The following KLF8 variants were observed in gnomAD, a reference collection of about 807,000 sequenced individuals.
KLF8 encodes Krueppel-like factor 8.
Under a neutral mutation model 18.2 loss-of-function variants are expected in KLF8, and 10 were observed. The observed-to-expected ratio is 0.55, with a 90% CI of 0.34 to 0.93. KLF8 has a LOEUF of 0.93. Ranked by LOEUF, KLF8 falls within the 40% of genes least tolerant of loss-of-function variation. The pLI, the probability that KLF8 is intolerant of heterozygous loss-of-function variation, is 0.02. For synonymous variants in KLF8, 109 were observed against 97.3 expected, an observed-to-expected ratio of 1.12 and a Z score of -0.71; for missense variants, 264 against 277.9, an observed-to-expected ratio of 0.95 and a Z score of 0.36.
chrX:56,038,889 C>CT, the KLF8 span, among the ~76,000 whole-genome samples: 1 of 111,722 alleles, frequency 9.0e-6, no homozygotes, highest in African/African-American at 3.3e-5. Context: ...TGTTCTTGGA[C>CT]TTTTTTAGCC....
chrX:56,174,119 C>A, the KLF8 span, among the ~76,000 whole-genome samples: 2 of 111,748 alleles, frequency 1.8e-5, no homozygotes, highest in Non-Finnish European at 3.8e-5. Context: ...CTGGCCAGAA[C>A]TTCCAACTCT....
At chrX:56,190,015 TATA>T in the KLF8 span, among the ~76,000 whole-genome samples, 1 of 109,168 alleles carries the variant, frequency 9.2e-6, no homozygotes. Flanking sequence ...AAACTTAAAG[TATA>T]ATAATAATAA....
the KLF8 span, among the ~76,000 whole-genome samples, chrX:56,194,539 A>G: frequency 8.9e-6 from 1 of 112,345 alleles, no homozygotes; most frequent in South Asian, 3.7e-4. Context: ...GCTTGAGTAC[A>G]TAAATAAAGC....
chrX:56,030,320 G>A, the KLF8 span, among the ~76,000 whole-genome samples: 39 of 111,088 alleles, frequency 3.5e-4, no homozygotes, highest in Admixed American at 1.3e-3. Flanking sequence ...TTTGGTAATC[G>A]GCTGGGACAT....
intron 1 of KLF8, among the ~76,000 whole-genome samples, chrX:56,239,328 T>A (rs1353531999): frequency 8.9e-6 from 1 of 112,267 alleles, no homozygotes. Context: ...CAATGTACAC[T>A]CTGTATTATA....
the KLF8 span, among the ~76,000 whole-genome samples, chrX:56,159,559 T>A: frequency 1.8e-5 from 2 of 112,295 alleles, no homozygotes; most frequent in African/African-American, 3.2e-5. Flanking sequence ...TTGCTTCAAT[T>A]TCAGAGCCTG....
chrX:55,944,109 T>C, the KLF8 span, among the ~76,000 whole-genome samples: 220 of 111,794 alleles, frequency 2.0e-3, no homozygotes, highest in Non-Finnish European at 3.6e-3. Context: ...TTGTCTTTGA[T>C]TCTGTTTATA....
chrX:56,053,375 G>A, the KLF8 span, among the ~76,000 whole-genome samples: 8 of 111,298 alleles, frequency 7.2e-5, no homozygotes, highest in African/African-American at 2.0e-4. Flanking sequence ...CTTGATCTTG[G>A]TGGATAAGTT....
the KLF8 span, among the ~76,000 whole-genome samples, chrX:56,012,147 C>T: frequency 9.0e-6 from 1 of 111,599 alleles, no homozygotes; most frequent in Admixed American, 9.5e-5. Flanking sequence ...AGATATACAA[C>T]AAAAAACAAA....
At chrX:56,174,624 G>A in the KLF8 span, among the ~76,000 whole-genome samples, 9 of 111,992 alleles carry the variant, frequency 8.0e-5, no homozygotes, top group Admixed American at 8.6e-4. Context: ...ATGAGTTAAG[G>A]AGGATTCCCT....
At chrX:56,143,090 T>A in the KLF8 span, among the ~76,000 whole-genome samples, 4 of 111,740 alleles carry the variant, frequency 3.6e-5, no homozygotes, top group Admixed American at 1.9e-4. Flanking sequence ...TTATGCACTC[T>A]GGGCTTCTGC....
At chrX:56,038,876 T>G in the KLF8 span, among the ~76,000 whole-genome samples, 1 of 112,077 alleles carries the variant, frequency 8.9e-6, no homozygotes, top group East Asian at 2.8e-4. Context: ...CACCAGAATC[T>G]GTTGTTCTTG....
At chrX:56,167,345 G>T in the KLF8 span, among the ~76,000 whole-genome samples, 2 of 111,423 alleles carry the variant, frequency 1.8e-5, no homozygotes, top group East Asian at 2.8e-4. Flanking sequence ...TGGCCAGACG[G>T]TCTCAAACTC....
the KLF8 span, among the ~76,000 whole-genome samples, chrX:55,917,100 C>T: frequency 8.9e-6 from 1 of 112,134 alleles, no homozygotes; most frequent in African/African-American, 3.2e-5. Context: ...CTTGCTGCCT[C>T]CTCTGGAATC....
the KLF8 span, among the ~76,000 whole-genome samples, chrX:55,964,764 C>G: frequency 8.9e-6 from 1 of 111,736 alleles, no homozygotes; most frequent in Non-Finnish European, 1.9e-5. Flanking sequence ...CTACCAGAGA[C>G]TATTACAAAC....
chrX:56,061,746 A>G, the KLF8 span, among the ~76,000 whole-genome samples: 1 of 110,768 alleles, frequency 9.0e-6, no homozygotes, highest in South Asian at 3.8e-4. Flanking sequence ...TACCTGTCTA[A>G]TATTGATAGT....
the KLF8 span, among the ~76,000 whole-genome samples, chrX:56,068,699 A>C: frequency 9.0e-6 from 1 of 111,355 alleles, no homozygotes; most frequent in Non-Finnish European, 1.9e-5. Context: ...GTGTGACCCC[A>C]CCCACCCCTG....
At chrX:55,908,383 G>A in the KLF8 span, 1 of 292,820 alleles carries the variant, frequency 3.4e-6, no homozygotes, top group African/African-American at 2.7e-5. Context: ...AGCTTTAAAG[G>A]GGCTGGTGAT....
At chrX:56,185,251 A>G in the KLF8 span, among the ~76,000 whole-genome samples, 1 of 112,404 alleles carries the variant, frequency 8.9e-6, no homozygotes, top group African/African-American at 3.2e-5. Context: ...AGCCAACAAG[A>G]TCAACTGGAA....
Sources: gnomAD v4.1 joint callset for allele counts (sites outside exome capture counted in the v4.1 genomes callset) on GRCh38, gnomAD v4.1.1 for gene constraint, MANE v1.5 for transcripts, NCBI Gene and HGNC (gene_info 2026-07-23, HGNC 2026-07-21) for gene names.